The following KPNB1 variants were observed in gnomAD, a reference collection of about 807,000 sequenced individuals.
The protein encoded by KPNB1 is karyopherin subunit beta 1.
In KPNB1, 7 loss-of-function variants were observed where a neutral mutation model predicts 113.0. The observed-to-expected ratio is 0.06, with a 90% CI of 0.04 to 0.12. The LOEUF is 0.12. KPNB1 is among the 10% of genes least tolerant of loss of function. The pLI is 1.00. For missense variants in KPNB1, 400 were observed against 1,054.8 expected (o/e 0.38, Z 8.60); for synonymous variants, 363 against 378.6 (o/e 0.96, Z 0.48).
chr17:47,672,026 T>G (rs920187231), intron 12 of KPNB1, among the ~76,000 whole-genome samples: 2 of 152,098 alleles, frequency 1.3e-5, no homozygotes, highest in African/African-American at 4.8e-5. Flanking sequence ...CCTTTTTTTT[T>G]TTTTTGAGAC....
intron 2 of KPNB1, 89 bp downstream of exon 2, chr17:47,650,533 G>T: frequency 8.8e-7 from 1 of 1,132,162 alleles, no homozygotes; most frequent in South Asian, 1.3e-5. Flanking sequence ...CAGGCCTCGG[G>T]AACCTACCCC....
chr17:47,672,947 C>T, intron 12 of KPNB1, 71 bp from the exon 13 acceptor site: 1 of 1,449,250 alleles, frequency 6.9e-7, no homozygotes, highest in Non-Finnish European at 9.3e-7. Context: ...TTATTTTTGG[C>T]AAGACATTGT....
At chr17:47,669,539 A>G (rs2030389606) in intron 10 of KPNB1, 139 bp from the exon 11 acceptor site, 4 of 596,528 alleles carry the variant, frequency 6.7e-6, no homozygotes, top group Non-Finnish European at 1.2e-5. Flanking sequence ...GATGTTTCAC[A>G]CCATGTCCTG....
At chr17:47,676,807 C>CTT (rs10649330) in intron 16 of KPNB1, among the ~76,000 whole-genome samples, 13,535 of 116,016 alleles carry the variant, frequency 0.12, 877 homozygotes, top group Middle Eastern at 0.2. Flanking sequence ...GAGAGCAAGG[C>CTT]TTTTTTTTTT....
rs936652893 is a variant in KPNB1, at chr17:47,650,011, G to A, written c.-234G>A. The A allele has an allele frequency of 2.3e-5, 31 of 1,366,932 alleles. No homozygotes were observed. The highest frequency in any genetic ancestry group is 2.6e-5 in the Non-Finnish European group (28 of 1,066,160). The allele number at this position is 1,366,932 out of a possible 1,614,324, so 84.7% of individuals were successfully genotyped here. On this transcript the variant is annotated 5_prime_UTR_variant, in exon 1 of 22. Transcript: ENST00000290158. ...CAGCGCGCTCTGAGCTGCCCCCAGG[G>A]TCCCTCCCCCGCCGCCAGCAGCCCA... is the stretch of plus-strand genomic sequence containing the variant.
At position 47,670,713 on chromosome 17, in the gene KPNB1, T is replaced by A; in HGVS notation, c.1428T>A (p.Ser476Arg). ...VASNVCWAFS[S>R]LAEAAYEAAD... Reference sequence around the variant, plus strand: ...TATGTGCATTTCAGGCTTTCTCCAGTCTGGCTGAAGCTGCTTATGAAGCTG... The same window carrying A: ...TATGTGCATTTCAGGCTTTCTCCAGACTGGCTGAAGCTGCTTATGAAGCTG... Residue 476 changes from serine (S) to arginine (R), a missense_variant, in exon 12 of 22, where the codon AGT becomes AGA. By Grantham distance (110) the Ser-to-Arg change is moderately radical. Transcript: ENST00000290158. The A allele has an allele frequency of 6.2e-7, 1 of 1,610,286 alleles. No individual in the cohort carries two copies. The highest frequency in any genetic ancestry group is 8.5e-7 in the Non-Finnish European group (1 of 1,176,804).
At chr17:47,679,891 G>A in intron 19 of KPNB1, 129 bp from the exon 20 acceptor site, 1 of 630,424 alleles carries the variant, frequency 1.6e-6, no homozygotes, top group South Asian at 1.8e-5. Context: ...TAGAGACGGG[G>A]TTTCACCGAG....
At chr17:47,678,599 C>A in intron 19 of KPNB1, 186 bp downstream of exon 19, 1 of 572,376 alleles carries the variant, frequency 1.7e-6, no homozygotes. Flanking sequence ...TGTTTTTGCT[C>A]TGCTTCTTCT....
At position 47,649,923 on chromosome 17, in the gene KPNB1, C is replaced by G. The variant is rs1042373997; in HGVS notation, c.-322C>G. 1 of 1,279,738 alleles carries G rather than the reference C, an allele frequency of 7.8e-7. No homozygotes were observed. Among genetic ancestry groups the G allele is most frequent in the Non-Finnish European group, 9.9e-7 (1 of 1,013,948 alleles). The allele number at this position is 1,279,738 out of a possible 1,614,324, so 79.3% of individuals were successfully genotyped here. A position where few individuals can be genotyped will look rare whatever the true frequency, so the allele number is the denominator to read the frequency against. ...CGCCTTCCTCCCTCCCTCGCTCCCT[C>G]CCTGCGCGCCGCCTCTCACTCACAG... On this transcript the variant is annotated 5_prime_UTR_variant, in exon 1 of 22. Transcript: ENST00000290158.
chr17:47,672,208 G>T (rs2030470351), intron 12 of KPNB1, among the ~76,000 whole-genome samples: 1 of 152,016 alleles, frequency 6.6e-6, no homozygotes, highest in Non-Finnish European at 1.5e-5. Context: ...GTTTCGCCAT[G>T]TTGGCCAGGC....
Position 47,682,536 on chromosome 17 carries a change from A to C in KPNB1, c.*132A>C, listed in dbSNP as rs2030815492. Reference sequence around the variant, plus strand: ...AGAGGATGAGTGAGTGAGGCTTGAAAACACACCACATTGAAAATCCTGCCA... The same window carrying C: ...AGAGGATGAGTGAGTGAGGCTTGAACACACACCACATTGAAAATCCTGCCA... On this transcript the variant is annotated 3_prime_UTR_variant, in exon 22 of 22. Coordinates refer to ENST00000290158, the MANE Select transcript of KPNB1 (RefSeq NM_002265.6). The C allele has an allele frequency of 1.4e-6, 1 of 711,206 alleles. No homozygotes were observed. Among genetic ancestry groups the C allele is most frequent in the East Asian group, 2.5e-5 (1 of 39,730 alleles). The allele number at this position is 711,206 out of a possible 1,614,324, so 44.1% of individuals were successfully genotyped here.
intron 2 of KPNB1, chr17:47,651,352 A>G (rs1349732546): frequency 4.1e-6 from 4 of 985,194 alleles, no homozygotes; most frequent in Admixed American, 6.1e-5. Context: ...GAAGGATTGG[A>G]TGATGCTTGA....
chr17:47,664,011 C>G (rs1374861967), intron 7 of KPNB1, 148 bp from the exon 8 acceptor site: 1 of 512,008 alleles, frequency 2.0e-6, no homozygotes, highest in Non-Finnish European at 3.5e-6. Flanking sequence ...AAAAGAAAAT[C>G]TTTCTTTTCC....
At chr17:47,658,063 A>G (rs796636372) in intron 4 of KPNB1, among the ~76,000 whole-genome samples, 4 of 152,266 alleles carry the variant, frequency 2.6e-5, no homozygotes, top group African/African-American at 9.6e-5. Context: ...ACTGCACTTT[A>G]GTCTGGGCAA....
At chr17:47,664,350 T>A in intron 8 of KPNB1, 81 bp downstream of exon 8, 1 of 944,680 alleles carries the variant, frequency 1.1e-6, no homozygotes, top group Non-Finnish European at 1.7e-6. Flanking sequence ...CTAGGAGAAC[T>A]TTATTCTGTC....
intron 17 of KPNB1, among the ~76,000 whole-genome samples, chr17:47,677,628 A>G (rs773210847): frequency 6.6e-6 from 1 of 152,224 alleles, no homozygotes. Flanking sequence ...AGAGATTTTT[A>G]AAACAAAACA....
chr17:47,667,826 G>A (rs962434684), intron 9 of KPNB1, among the ~76,000 whole-genome samples: 5 of 152,094 alleles, frequency 3.3e-5, no homozygotes, highest in African/African-American at 1.2e-4. Context: ...CCAAAGTGCT[G>A]GGATTACAGG....
At chr17:47,664,293 C>T (rs1425714242) in intron 8 of KPNB1, 24 bp downstream of exon 8, 17 of 1,384,086 alleles carry the variant, frequency 1.2e-5, no homozygotes, top group Non-Finnish European at 1.6e-5. Flanking sequence ...AACTATTACT[C>T]TGAATACGCT....
intron 21 of KPNB1, among the ~76,000 whole-genome samples, chr17:47,680,945 CT>C (rs2030752089): frequency 6.6e-6 from 1 of 152,192 alleles, no homozygotes; most frequent in South Asian, 2.1e-4. Flanking sequence ...CCATTTCCCC[CT>C]AATTCTCTTC....
Sources: gnomAD v4.1 joint callset for allele counts (sites outside exome capture counted in the v4.1 genomes callset) on GRCh38, gnomAD v4.1.1 for gene constraint, MANE v1.5 for transcripts, NCBI Gene and HGNC (gene_info 2026-07-23, HGNC 2026-07-21) for gene names.